ZBTB10: variants seen among roughly 807,000 people sequenced by gnomAD.
ZBTB10 encodes the protein zinc finger and BTB domain-containing protein 10.
ZBTB10 carries 32 observed loss-of-function variants against 76.4 expected under a neutral mutation model. The observed-to-expected ratio is 0.42, with a 90% CI of 0.32 to 0.56. ZBTB10 has a LOEUF of 0.56. Ranked by LOEUF, ZBTB10 falls within the 20% of genes least tolerant of loss-of-function variation. The pLI, the probability that ZBTB10 is intolerant of heterozygous loss-of-function variation, is 0.14. For missense variants in ZBTB10, 1,057 were observed against 1,098.5 expected, an observed-to-expected ratio of 0.96 and a Z score of 0.53; for synonymous variants, 523 against 432.9, an observed-to-expected ratio of 1.21 and a Z score of -2.58.
chr8:80,493,593 G>A lies in ZBTB10; in HGVS notation c.972+5811G>A, dbSNP rs182422293. Among the ~76,000 whole-genome samples the A allele has an allele frequency of 2.4e-4, 36 of 151,542 alleles. No individual in the cohort carries two copies. In the East Asian group the frequency reaches 7.0e-3, roughly 30 times the overall value. On this transcript the variant is annotated intron_variant, in intron 1 of 5. Coordinates refer to ENST00000455036, the MANE Select transcript of ZBTB10 (RefSeq NM_001105539.3). ...GCACTTCGGGAGGCCGAGGGGGATG[G>A]ATCATCTGAGGTCGGGAGTTCGAGA...
In ZBTB10 at chr8:80,520,179, T is replaced by C. The variant is rs910098471; in HGVS notation, c.*651T>C. On this transcript the variant is annotated 3_prime_UTR_variant, in exon 6 of 6. Transcript: ENST00000455036. ...AGGTAATTTATTGGAATGAACTAAC[T>C]GACTTCCTCCATTCCCCTCTTCCTT... is the stretch of plus-strand genomic sequence containing the variant. The C allele has an allele frequency of 3.9e-5, 6 of 152,502 alleles. No homozygotes were observed. The highest frequency in any genetic ancestry group is 4.8e-5 in the African/African-American group (2 of 41,434). The allele number at this position is 152,502 out of a possible 1,614,324, so 9.4% of individuals were successfully genotyped here.
Position 80,500,342 on chromosome 8 carries a change from C to G in ZBTB10, c.1821C>G (p.Ala607=). 6.3e-7 allele frequency: 1 copy of G among 1,584,598 alleles called. No individual in the cohort carries two copies. The highest frequency in any genetic ancestry group is 1.2e-5 in the South Asian group (1 of 86,080). ...GCTCAGTAATGCAGCCACCTGTTGCCTATCCAGAAGAAAATACACTACTCA... is the reference window on the plus strand; with the variant it reads ...GCTCAGTAATGCAGCCACCTGTTGCGTATCCAGAAGAAAATACACTACTCA... ...EDCSVMQPPV[A]YPEENTLLIK... is the part of the protein sequence containing the mutation. Residue 607 remains alanine, a synonymous_variant, in exon 2 of 6, where the codon GCC becomes GCG. Transcript: ENST00000455036.
Position 80,500,285 on chromosome 8 carries a change from T to G in ZBTB10, c.1764T>G (p.Ile588Met). Residue 588 changes from isoleucine (I) to methionine (M), a missense_variant, in exon 2 of 6, where the codon ATT becomes ATG. By Grantham distance (10) the Ile-to-Met change is conservative. This residue lies in a region of ZBTB10 where 306 missense variants were observed against 297.5 expected (regional missense o/e 1.03). Coordinates refer to ENST00000455036, the MANE Select transcript of ZBTB10 (RefSeq NM_001105539.3). ...CTACAAAAAGATTTATTTATAATAT[T>G]CCACCTAATAATGAAACGAATTTAG... ...NQTTKRFIYN[I>M]PPNNETNLED... 6.3e-7 allele frequency: 1 copy of G among 1,575,450 alleles called. No individual in the cohort carries two copies. Among genetic ancestry groups the G allele is most frequent in the Non-Finnish European group, 8.6e-7 (1 of 1,159,940 alleles).
At position 80,487,049 on chromosome 8, in the gene ZBTB10, C is replaced by T. The variant is rs772027446; in HGVS notation, c.239C>T (p.Ser80Phe). ...EGLEPQDLEA[S>F]AGPAAGAAEE... Reference sequence around the variant, plus strand: ...CTGGAGCCCCAAGACCTGGAGGCCTCCGCCGGGCCGGCCGCCGGCGCCGCC... The same window carrying T: ...CTGGAGCCCCAAGACCTGGAGGCCTTCGCCGGGCCGGCCGCCGGCGCCGCC... Residue 80 changes from serine to phenylalanine, a missense_variant, in exon 1 of 6, where the codon TCC (serine) becomes TTC (phenylalanine). Around this residue, in one of 5 missense-constraint regions of ZBTB10, gnomAD observed 556 missense variants for 451.7 expected, o/e 1.23. Coordinates refer to ENST00000455036, the MANE Select transcript of ZBTB10 (RefSeq NM_001105539.3). 134 of 1,517,650 alleles carry T rather than the reference C, an allele frequency of 8.8e-5. 1 individual carries two copies. In the East Asian group the frequency reaches 3.4e-3, roughly 39 times the overall value. The allele number at this position is 1,517,650 out of a possible 1,614,324, so 94.0% of individuals were successfully genotyped here.
chr8:80,497,368 C>T (rs1007776353), intron 1 of ZBTB10, among the ~76,000 whole-genome samples: 6 of 149,180 alleles, frequency 4.0e-5, no homozygotes, highest in Non-Finnish European at 8.9e-5. Context: ...CATGAATGGA[C>T]TTGTTTTGAT....
At position 80,519,713 on chromosome 8, in the gene ZBTB10, C is replaced by A; in HGVS notation, c.*185C>A. ...TTTTTTATATTTGCACAGGACTATA[C>A]AGCAAACAACCATGTGGTTGGATTA... On this transcript the variant is annotated 3_prime_UTR_variant, in exon 6 of 6. Transcript: ENST00000455036. The A allele has an allele frequency of 1.8e-6, 1 of 543,468 alleles. No individual in the cohort carries two copies. The allele number at this position is 543,468 out of a possible 1,614,324, so 33.7% of individuals were successfully genotyped here. A position where few individuals can be genotyped will look rare whatever the true frequency, so the allele number is the denominator to read the frequency against.
Position 80,486,899 on chromosome 8 carries a change from A to G in ZBTB10, c.89A>G (p.Asn30Ser), listed in dbSNP as rs1490596987. Residue 30 changes from asparagine to serine, a missense_variant, in exon 1 of 6, where the codon AAC becomes AGC. Physicochemically the swap from Asn to Ser is conservative, Grantham distance 46. Coordinates refer to ENST00000455036, the MANE Select transcript of ZBTB10 (RefSeq NM_001105539.3). Reference sequence around the variant, plus strand: ...AGCGGCGGCGGCTCCACGAACAATAACGCTGGCGGGGAGGCCTCAGCTTGG... The same window carrying G: ...AGCGGCGGCGGCTCCACGAACAATAGCGCTGGCGGGGAGGCCTCAGCTTGG... The part of the protein sequence containing the change: ...TASGGGSTNN[N>S]AGGEASAWPP... 6.6e-7 allele frequency: 1 copy of G among 1,514,404 alleles called. No individual in the cohort carries two copies. Among genetic ancestry groups the G allele is most frequent in the Admixed American group, 2.1e-5 (1 of 47,978 alleles). 93.8% of individuals were successfully genotyped at this position (1,514,404 alleles called of 1,614,324 possible). A position where few individuals can be genotyped will look rare whatever the true frequency, so the allele number is the denominator to read the frequency against.
At chr8:80,493,215 A>G (rs988579825) in intron 1 of ZBTB10, among the ~76,000 whole-genome samples, 4,124 of 119,316 alleles carry the variant, frequency 0.035, 104 homozygotes, top group African/African-American at 0.087. Flanking sequence ...GCGCACACAC[A>G]CACACACACA....
At chr8:80,505,822 T>C (rs748547240) in intron 2 of ZBTB10, among the ~76,000 whole-genome samples, 4 of 151,962 alleles carry the variant, frequency 2.6e-5, no homozygotes, top group African/African-American at 4.8e-5. Context: ...CTCAACCTCC[T>C]GGGCTCATGT....
intron 1 of ZBTB10, among the ~76,000 whole-genome samples, chr8:80,499,073 A>G (rs867358413): frequency 6.6e-6 from 1 of 152,224 alleles, no homozygotes; most frequent in Non-Finnish European, 1.5e-5. Context: ...TGCCTAGCAT[A>G]AAATATAACT....
In ZBTB10 at chr8:80,487,348, C is replaced by T. The variant is rs1043254616; in HGVS notation, c.538C>T (p.Leu180=). Residue 180 remains leucine (L), a synonymous_variant, in exon 1 of 6, where the codon CTG becomes TTG. Coordinates refer to ENST00000455036, the MANE Select transcript of ZBTB10 (RefSeq NM_001105539.3). ...GKELMQDGAS[L]SDSTEDEEEG... is the part of the protein sequence containing the mutation. ...GGAGTTGATGCAGGACGGCGCGTCC[C>T]TGAGCGACAGCACCGAGGACGAGGA... The T allele has an allele frequency of 1.3e-6, 2 of 1,529,900 alleles. No individual in the cohort carries two copies. The highest frequency in any genetic ancestry group is 1.8e-6 in the Non-Finnish European group (2 of 1,135,320). The allele number at this position is 1,529,900 out of a possible 1,614,324, so 94.8% of individuals were successfully genotyped here. A position where few individuals can be genotyped will look rare whatever the true frequency, so the allele number is the denominator to read the frequency against.
upstream of ZBTB10, chr8:80,485,906 C>G: frequency 6.5e-7 from 1 of 1,532,024 alleles, no homozygotes; most frequent in Non-Finnish European, 8.7e-7. Flanking sequence ...AGCGGGGAGG[C>G]GGCCAGACCC....
chr8:80,517,282 C>T (rs906831708), intron 3 of ZBTB10, among the ~76,000 whole-genome samples: 3 of 152,144 alleles, frequency 2.0e-5, no homozygotes, highest in Non-Finnish European at 4.4e-5. Context: ...CTACTGAAGA[C>T]AGTCCAGGGG....
At chr8:80,511,481 A>T (rs1816192760) in intron 2 of ZBTB10, among the ~76,000 whole-genome samples, 1 of 152,084 alleles carries the variant, frequency 6.6e-6, no homozygotes, top group South Asian at 2.1e-4. Flanking sequence ...GAATAATTGT[A>T]TTTTTTATTT....
At chr8:80,490,702 A>G (rs1815606570) in intron 1 of ZBTB10, among the ~76,000 whole-genome samples, 1 of 152,286 alleles carries the variant, frequency 6.6e-6, no homozygotes, top group African/African-American at 2.4e-5. Flanking sequence ...TGGAAATGAG[A>G]GTTTTAGAAT....
chr8:80,519,075 C>T (rs897333274), intron 5 of ZBTB10, 121 bp downstream of exon 5: 1 of 1,412,504 alleles, frequency 7.1e-7, no homozygotes, highest in Non-Finnish European at 9.4e-7. Flanking sequence ...TTGCTTTAAA[C>T]AGTTTGACTT....
At chr8:80,507,501 G>C (rs1816090047) in intron 2 of ZBTB10, among the ~76,000 whole-genome samples, 1 of 151,958 alleles carries the variant, frequency 6.6e-6, no homozygotes, top group East Asian at 2.0e-4. Context: ...TGTAGTCCCA[G>C]CTACTTGGGG....
intron 1 of ZBTB10, 89 bp from the exon 2 acceptor site, chr8:80,499,405 T>C (rs995429458): frequency 7.4e-7 from 1 of 1,357,378 alleles, no homozygotes; most frequent in Non-Finnish European, 9.8e-7. Flanking sequence ...ATTATCGCTT[T>C]TTAAAAACTT....
At chr8:80,511,193 A>T (rs1019043327) in intron 2 of ZBTB10, among the ~76,000 whole-genome samples, 14 of 152,232 alleles carry the variant, frequency 9.2e-5, no homozygotes, top group African/African-American at 2.9e-4. Context: ...TATACTTGAT[A>T]TTTATTTTGT....
Sources: gnomAD v4.1 joint callset for allele counts (sites outside exome capture counted in the v4.1 genomes callset) on GRCh38, gnomAD v4.1.1 for gene constraint, gnomAD v4.1.1 regional missense constraint, MANE v1.5 for transcripts, NCBI Gene and HGNC (gene_info 2026-07-23, HGNC 2026-07-21) for gene names.